Variants in TNRC6C observed in about 807,000 individuals in gnomAD.
The protein encoded by TNRC6C is trinucleotide repeat-containing gene 6C protein.
A neutral mutation model predicts 153.7 loss-of-function variants in TNRC6C; 20 were observed. The ratio of observed to expected loss-of-function variants is 0.13; its 90% CI spans 0.09 to 0.19. TNRC6C has a LOEUF of 0.19. Ranked by LOEUF, TNRC6C falls within the 10% of genes least tolerant of loss-of-function variation. The pLI, the probability that TNRC6C is intolerant of heterozygous loss-of-function variation, is 1.00. For synonymous variants in TNRC6C, 811 were observed against 841.4 expected, an observed-to-expected ratio of 0.96 and a Z score of 0.63; for missense variants, 1,987 against 2,172.0, an observed-to-expected ratio of 0.91 and a Z score of 1.69.
At chr17:78,027,804 T>A (rs2143657976) in intron 1 of TNRC6C, among the ~76,000 whole-genome samples, 1 of 152,252 alleles carries the variant, frequency 6.6e-6, no homozygotes, top group South Asian at 2.1e-4. Context: ...TGTGCGTCTT[T>A]GAGTTGATGG....
At chr17:78,032,066 G>A (rs1250159286) in intron 2 of TNRC6C, among the ~76,000 whole-genome samples, 5 of 152,136 alleles carry the variant, frequency 3.3e-5, no homozygotes, top group South Asian at 2.1e-4. Context: ...AGCTACTTCA[G>A]CTGAGCTTAT....
At chr17:78,086,693 C>G in intron 12 of TNRC6C, 107 bp downstream of exon 14, 1 of 1,556,470 alleles carries the variant, frequency 6.4e-7, no homozygotes. Context: ...TCTAGCCAAG[C>G]CTTCCTTTGA....
At position 78,104,953 on chromosome 17, in the gene TNRC6C, C is replaced by A; in HGVS notation, c.*108C>A. On this transcript the variant is annotated 3_prime_UTR_variant, in exon 20 of 20. Coordinates refer to ENST00000301624, the Ensembl canonical transcript of TNRC6C. This position sits in a 1 kb window ranked among gnomAD's most constrained non-coding sequence, Gnocchi z 6.2. ...CAGCAGCGGCCGCCCTTTTGAGTAC[C>A]TCTGTCCAGGACTGAAGACGAACCT... is the stretch of plus-strand genomic sequence containing the variant. 1 of 1,351,164 alleles carries A rather than the reference C, an allele frequency of 7.4e-7. No individual in the cohort carries two copies. Among genetic ancestry groups the A allele is most frequent in the Non-Finnish European group, 9.5e-7 (1 of 1,050,752 alleles). The allele number at this position is 1,351,164 out of a possible 1,614,324, so 83.7% of individuals were successfully genotyped here. A position where few individuals can be genotyped will look rare whatever the true frequency, so the allele number is the denominator to read the frequency against.
chr17:77,993,584 G>A (rs1567904982), intron 1 of TNRC6C, among the ~76,000 whole-genome samples: 1 of 152,070 alleles, frequency 6.6e-6, no homozygotes, highest in Admixed American at 6.5e-5. Flanking sequence ...ACTGGTTTGT[G>A]TTTATTTAAT....
At chr17:78,040,723 G>A (rs1264001786) in intron 2 of TNRC6C, among the ~76,000 whole-genome samples, 2 of 152,232 alleles carry the variant, frequency 1.3e-5, no homozygotes, top group Admixed American at 1.3e-4. Flanking sequence ...TTGTAACTGG[G>A]TCCTGAAGTG....
chr17:77,994,069 T>C (rs947348916), intron 1 of TNRC6C, among the ~76,000 whole-genome samples: 1 of 152,146 alleles, frequency 6.6e-6, no homozygotes, highest in Non-Finnish European at 1.5e-5. Context: ...GGTGCATGCC[T>C]GTAATCCCAG....
At chr17:77,957,765 C>T (rs1038081034), upstream of TNRC6C, among the ~76,000 whole-genome samples, 6 of 152,214 alleles carry the variant, frequency 3.9e-5, no homozygotes, top group African/African-American at 1.2e-4. Context: ...TTTCGAATTG[C>T]ACATTGCGCC....
intron 1 of TNRC6C, among the ~76,000 whole-genome samples, chr17:77,968,566 C>T (rs2070916966): frequency 6.6e-6 from 1 of 151,608 alleles, no homozygotes; most frequent in South Asian, 2.1e-4. Flanking sequence ...GGTCTCTTAT[C>T]TCCTGACCTC....
chr17:78,101,274 C>T (rs1405668649), intron 17 of TNRC6C, among the ~76,000 whole-genome samples: 5 of 152,294 alleles, frequency 3.3e-5, no homozygotes, highest in Admixed American at 2.6e-4. Flanking sequence ...ACAACAAGAG[C>T]CACCTTTGCC....
At chr17:78,055,494 A>G (rs984231389) in intron 3 of TNRC6C, among the ~76,000 whole-genome samples, 15 of 152,248 alleles carry the variant, frequency 9.9e-5, no homozygotes, top group African/African-American at 3.6e-4. Context: ...GCATTCCGCT[A>G]CATTATGATG....
chr17:77,995,437 A>T (rs1216911963), intron 1 of TNRC6C, among the ~76,000 whole-genome samples: 1 of 152,252 alleles, frequency 6.6e-6, no homozygotes, highest in Non-Finnish European at 1.5e-5. Flanking sequence ...AAGGAAAAAT[A>T]GTTAAAGGTC....
chr17:78,017,841 G>A (rs1377761296), intron 1 of TNRC6C, among the ~76,000 whole-genome samples: 3 of 152,190 alleles, frequency 2.0e-5, no homozygotes, highest in African/African-American at 7.2e-5. Flanking sequence ...GTGGGAGTGA[G>A]TTTGTAGGTA....
chr17:77,985,574 C>T (rs1236920244), intron 1 of TNRC6C, among the ~76,000 whole-genome samples: 1 of 147,634 alleles, frequency 6.8e-6, no homozygotes, highest in Non-Finnish European at 1.5e-5. Flanking sequence ...TGCACTCCAG[C>T]CTGGGCAACA....
At chr17:78,050,901 A>G (rs749752223) in exon 3 of TNRC6C, 1 of 1,613,984 alleles carries the variant, frequency 6.2e-7, no homozygotes, top group Non-Finnish European at 8.5e-7. Context: ...GGGATGGGAA[A>G]AAAAATGGAT....
rs906000652 is a variant in TNRC6C, at chr17:78,049,338, C to T, written c.276C>T (p.Ser92=). The T allele has an allele frequency of 1.9e-6, 3 of 1,613,984 alleles. No individual in the cohort carries two copies. The highest frequency in any genetic ancestry group is 1.3e-5 in the African/African-American group (1 of 75,034). The change falls in exon 3 of 20, where the codon TCC becomes TCT. Residue 92 remains serine (S), a synonymous_variant. Coordinates refer to ENST00000301624, the Ensembl canonical transcript of TNRC6C. The surrounding 1 kb of genome is among the most constrained non-coding windows in gnomAD (Gnocchi z 4.1). The stretch of plus-strand genomic sequence containing the variant: ...AGAATTGCTGGGGTGCTTCCAACTC[C>T]AATGCTGGCATTAATCTTAACCTTA...
intron 1 of TNRC6C, among the ~76,000 whole-genome samples, chr17:77,966,606 T>A (rs1386931130): frequency 1.3e-5 from 2 of 152,230 alleles, no homozygotes; most frequent in Admixed American, 6.5e-5. Context: ...TCTTTTTAGA[T>A]GCTGATGGGG....
rs1251454962 is a variant in TNRC6C at position 78,091,309 on chromosome 17, A to G, written c.3803-131A>G. The G allele has an allele frequency of 1.1e-5, 12 of 1,070,382 alleles. No individual in the cohort carries two copies. In the South Asian group the frequency reaches 2.3e-4, roughly 20 times the overall value. The allele number at this position is 1,070,382 out of a possible 1,614,324, so 66.3% of individuals were successfully genotyped here. A position where few individuals can be genotyped will look rare whatever the true frequency, so the allele number is the denominator to read the frequency against. ...CCATTGCACTCCAGCCTGGGCATCA[A>G]GAGCAAGACTCCGTCTCAAAAAAAA... On this transcript the variant is annotated intron_variant, in intron 13 of 19. Transcript: ENST00000301624.
chr17:78,090,876 C>T (rs2073381428), intron 13 of TNRC6C, among the ~76,000 whole-genome samples: 1 of 152,310 alleles, frequency 6.6e-6, no homozygotes, highest in East Asian at 1.9e-4. Flanking sequence ...ACTGAATTAT[C>T]CTATCAGTCT....
chr17:78,086,819 A>C (rs749492733), intron 12 of TNRC6C, 34 bp from the exon 15 acceptor site: 4 of 1,605,078 alleles, frequency 2.5e-6, no homozygotes, highest in Non-Finnish European at 2.6e-6. Context: ...GTCCCTTCCC[A>C]CCTAGTTAAC....
Sources: allele counts gnomAD v4.1 joint callset (sites outside exome capture counted in the v4.1 genomes callset), GRCh38; gene constraint gnomAD v4.1.1; non-coding constraint Gnocchi (gnomAD v3.1); transcripts MANE v1.5; gene names NCBI Gene and HGNC (gene_info 2026-07-23, HGNC 2026-07-21).